Variants in C7orf78 observed in about 807,000 individuals in gnomAD.
C7orf78 encodes putative uncharacterized protein C7orf78.
chr7:12,492,007 A>C, the C7orf78 span: 1 of 152,198 alleles, frequency 6.6e-6, no homozygotes, highest in South Asian at 2.1e-4. Flanking sequence ...AACTATGAAG[A>C]AGAAGAACAA....
chr7:12,523,683 G>A, the C7orf78 span, among the ~76,000 whole-genome samples: 2 of 152,246 alleles, frequency 1.3e-5, no homozygotes, highest in Admixed American at 1.3e-4. Context: ...CTCTGAGATA[G>A]GCTTTCTTAG....
chr7:12,537,759 TA>T, the C7orf78 span, among the ~76,000 whole-genome samples: 1 of 152,244 alleles, frequency 6.6e-6, no homozygotes, highest in South Asian at 2.1e-4. Flanking sequence ...AATGTATACA[TA>T]AAAGTATCCA....
chr7:12,513,226 CTCTT>C, the C7orf78 span, among the ~76,000 whole-genome samples: 3 of 146,722 alleles, frequency 2.0e-5, no homozygotes, highest in East Asian at 2.0e-4. Context: ...CTGTCTTTCT[CTCTT>C]TCTTTCCTTC....
the C7orf78 span, among the ~76,000 whole-genome samples, chr7:12,504,113 CAT>C: frequency 6.6e-6 from 1 of 152,170 alleles, no homozygotes; most frequent in African/African-American, 2.4e-5. Context: ...TAATATATCA[CAT>C]GTCAAACTCA....
the C7orf78 span, among the ~76,000 whole-genome samples, chr7:12,516,307 C>A: frequency 6.6e-6 from 1 of 152,234 alleles, no homozygotes; most frequent in Non-Finnish European, 1.5e-5. Flanking sequence ...GGTGTTGAAC[C>A]TGCGAGTGCA....
the C7orf78 span, among the ~76,000 whole-genome samples, chr7:12,509,783 C>T: frequency 1.3e-5 from 2 of 152,172 alleles, no homozygotes; most frequent in Admixed American, 6.5e-5. Context: ...ATCCATGTTA[C>T]TGCAAAAGAT....
chr7:12,501,165 T>A, the C7orf78 span, among the ~76,000 whole-genome samples: 1 of 134,824 alleles, frequency 7.4e-6, no homozygotes, highest in African/African-American at 2.9e-5. Context: ...CTTTGAAAAC[T>A]GGCACAAGAC....
the C7orf78 span, among the ~76,000 whole-genome samples, chr7:12,497,825 A>T: frequency 6.6e-6 from 1 of 150,610 alleles, no homozygotes; most frequent in Admixed American, 6.6e-5. Flanking sequence ...TGCAGACTTA[A>T]ATGCCCCTGT....
the C7orf78 span, among the ~76,000 whole-genome samples, chr7:12,490,903 G>T: frequency 4.6e-5 from 7 of 151,842 alleles, no homozygotes; most frequent in African/African-American, 1.7e-4. Context: ...CATCTGAAGA[G>T]CACCAGATTC....
chr7:12,539,470 C>CA, the C7orf78 span, among the ~76,000 whole-genome samples: 5 of 151,890 alleles, frequency 3.3e-5, no homozygotes, highest in Non-Finnish European at 5.9e-5. Flanking sequence ...TCTCAAAAAA[C>CA]AAAAAAACAA....
the C7orf78 span, among the ~76,000 whole-genome samples, chr7:12,517,564 A>G: frequency 1.3e-4 from 20 of 152,152 alleles, no homozygotes; most frequent in Non-Finnish European, 2.2e-4. Context: ...TGAATGCTTC[A>G]TTCATTCTTT....
chr7:12,541,192 C>T, the C7orf78 span: 1 of 152,170 alleles, frequency 6.6e-6, no homozygotes. Flanking sequence ...AGTGGAAATG[C>T]TGATAATGTG....
At chr7:12,509,273 G>C in the C7orf78 span, among the ~76,000 whole-genome samples, 81 of 152,202 alleles carry the variant, frequency 5.3e-4, no homozygotes, top group Non-Finnish European at 5.6e-4. Flanking sequence ...TGTATGGCTT[G>C]ACCCTCTAGG....
At chr7:12,538,760 G>C in the C7orf78 span, among the ~76,000 whole-genome samples, 3 of 152,076 alleles carry the variant, frequency 2.0e-5, no homozygotes, top group Admixed American at 6.6e-5. Flanking sequence ...ACCAAATGGC[G>C]TGAGTACAGA....
At chr7:12,500,955 T>G in the C7orf78 span, among the ~76,000 whole-genome samples, 1 of 151,024 alleles carries the variant, frequency 6.6e-6, no homozygotes, top group African/African-American at 2.5e-5. Context: ...TAATCCAGCA[T>G]ATAAACAGAG....
At chr7:12,504,754 A>G in the C7orf78 span, among the ~76,000 whole-genome samples, 1 of 152,152 alleles carries the variant, frequency 6.6e-6, no homozygotes, top group South Asian at 2.1e-4. Flanking sequence ...ATTAAGAAAG[A>G]GAAAGCCCTG....
the C7orf78 span, among the ~76,000 whole-genome samples, chr7:12,495,518 C>T: frequency 6.6e-6 from 1 of 152,040 alleles, no homozygotes; most frequent in Non-Finnish European, 1.5e-5. Flanking sequence ...CAATTCTTAC[C>T]TAGTTGTGTT....
the C7orf78 span, chr7:12,530,534 G>A: frequency 6.6e-6 from 1 of 151,898 alleles, no homozygotes. Flanking sequence ...AAGGGAGGAG[G>A]GTATAATGAT....
chr7:12,500,288 G>A, the C7orf78 span, among the ~76,000 whole-genome samples: 3 of 151,884 alleles, frequency 2.0e-5, no homozygotes, highest in African/African-American at 7.3e-5. Flanking sequence ...AATGAATCCA[G>A]GAGCTTGTTT....
Sources: allele counts gnomAD v4.1 joint callset (sites outside exome capture counted in the v4.1 genomes callset), GRCh38; gene constraint gnomAD v4.1.1; transcripts MANE v1.5; gene names NCBI Gene and HGNC (gene_info 2026-07-23, HGNC 2026-07-21).